The following DNAJC13 variants were observed in gnomAD, a reference collection of about 807,000 sequenced individuals.
DNAJC13 encodes the protein DnaJ heat shock protein family (Hsp40) member C13.
In DNAJC13, 75 loss-of-function variants were observed where a neutral mutation model predicts 290.5. The observed-to-expected ratio is 0.26, with a 90% confidence interval of 0.21 to 0.31. The LOEUF (loss-of-function observed/expected upper bound fraction) is 0.31. Among genes scored for constraint, DNAJC13 ranks in the 10% least tolerant of loss-of-function variants. The pLI, the probability that DNAJC13 is intolerant of heterozygous loss-of-function variation, is 1.00. For synonymous variants in DNAJC13, 862 were observed against 892.0 expected (o/e 0.97, Z 0.60); for missense variants, 2,260 against 2,674.5 (o/e 0.85, Z 3.42).
In DNAJC13 at chr3:132,478,697, T is replaced by G. The variant is rs569565297; in HGVS notation, c.2710-530T>G. On this transcript the variant is annotated intron_variant, in intron 24 of 55. Transcript: ENST00000260818. ...TCACTTGAACCCAGGAGGTTGAGGC[T>G]GCAGTGAGCTGTGATCACACTCCAG... 2.3e-3 allele frequency among the ~76,000 whole-genome samples: 347 copies of G among 152,308 alleles called. 1 individual carries two copies. Among genetic ancestry groups the G allele is most frequent in the African/African-American group, 8.0e-3 (331 of 41,578 alleles).
rs1313833483 is a variant in DNAJC13 at position 132,538,804 on chromosome 3, C to T, written c.*522C>T. 2.0e-5 allele frequency: 3 copies of T among 152,278 alleles called. No individual in the cohort carries two copies. The highest frequency in any genetic ancestry group is 7.2e-5 in the African/African-American group (3 of 41,422). The allele number at this position is 152,278 out of a possible 1,614,324, so 9.4% of individuals were successfully genotyped here. On this transcript the variant is annotated 3_prime_UTR_variant, in exon 56 of 56. Transcript: ENST00000260818. ...ATTAACCTTCTGAAAGCTCACAGTACACATTAGTATGTATAACTGGCTTTA... is the reference window on the plus strand; with the variant it reads ...ATTAACCTTCTGAAAGCTCACAGTATACATTAGTATGTATAACTGGCTTTA...
At chr3:132,431,782 T>C (rs1338398235) in intron 1 of DNAJC13, among the ~76,000 whole-genome samples, 1 of 152,200 alleles carries the variant, frequency 6.6e-6, no homozygotes, top group African/African-American at 2.4e-5. Flanking sequence ...TATATCCATA[T>C]ACCAGAATAT....
At chr3:132,483,721 G>C (rs1934757979) in intron 28 of DNAJC13, 144 bp downstream of exon 28, 1 of 872,376 alleles carries the variant, frequency 1.1e-6, no homozygotes, top group Non-Finnish European at 1.7e-6. Context: ...TTTTGAAACA[G>C]ATATAAAGAA....
intron 35 of DNAJC13, 35 bp from the exon 36 acceptor site, chr3:132,496,493 C>T (rs768126153): frequency 1.3e-6 from 2 of 1,515,962 alleles, no homozygotes; most frequent in Admixed American, 2.1e-5. Context: ...TGCGACATTC[C>T]AAATTAACGT....
At chr3:132,467,131 G>A (rs1934022787) in intron 19 of DNAJC13, 39 bp from the exon 20 acceptor site, 1 of 1,579,554 alleles carries the variant, frequency 6.3e-7, no homozygotes, top group Non-Finnish European at 8.6e-7. Flanking sequence ...AAATAAATTT[G>A]CAAACAGGCA....
intron 55 of DNAJC13, 95 bp downstream of exon 55, chr3:132,531,192 G>A: frequency 9.6e-7 from 1 of 1,046,304 alleles, no homozygotes; most frequent in Non-Finnish European, 1.5e-6. Flanking sequence ...TGTTCAGAGT[G>A]TTTCTTAGGC....
chr3:132,450,158 T>C (rs1933377380), intron 5 of DNAJC13, among the ~76,000 whole-genome samples: 1 of 152,080 alleles, frequency 6.6e-6, no homozygotes, highest in African/African-American at 2.4e-5. Flanking sequence ...TCAGCTTTTT[T>C]TTTTTGTATG....
intron 2 of DNAJC13, among the ~76,000 whole-genome samples, chr3:132,437,514 A>G (rs187043956): frequency 8.5e-5 from 13 of 152,330 alleles, no homozygotes; most frequent in Admixed American, 8.5e-4. Context: ...AGGGTTCTAA[A>G]TTCATTCCTT....
chr3:132,523,738 A>AT, intron 51 of DNAJC13, 25 bp downstream of exon 51: 1 of 1,602,450 alleles, frequency 6.2e-7, no homozygotes, highest in South Asian at 1.1e-5. Context: ...AAAGCAAAAC[A>AT]TTTCAAAGAC....
At position 132,523,138 on chromosome 3, in the gene DNAJC13, A is replaced by G. The variant is rs753736890; in HGVS notation, c.5844-19A>G. 6.2e-7 allele frequency: 1 copy of G among 1,613,912 alleles called. No individual in the cohort carries two copies. The highest frequency in any genetic ancestry group is 8.5e-7 in the Non-Finnish European group (1 of 1,179,856). On this transcript the variant is annotated intron_variant, in intron 49 of 55. Coordinates refer to ENST00000260818, the MANE Select transcript of DNAJC13 (RefSeq NM_015268.4). ...TATTTGTGACTGAAGTTTGGTATCC[A>G]TCCCTTTTTTTCCCCAAGGCACTTT...
At chr3:132,482,128 T>A in intron 26 of DNAJC13, 98 bp from the exon 27 acceptor site, 1 of 901,734 alleles carries the variant, frequency 1.1e-6, no homozygotes, top group African/African-American at 1.7e-5. Flanking sequence ...TAAAGGGATA[T>A]AAACCCCTCC....
chr3:132,422,700 C>G (rs921434714), intron 1 of DNAJC13, among the ~76,000 whole-genome samples: 4 of 152,192 alleles, frequency 2.6e-5, no homozygotes, highest in Non-Finnish European at 5.9e-5. Flanking sequence ...AAGATAGTTA[C>G]CTGTGCAAAG....
chr3:132,522,299 A>G (rs753552521), intron 48 of DNAJC13, among the ~76,000 whole-genome samples: 2 of 152,188 alleles, frequency 1.3e-5, no homozygotes, highest in Non-Finnish European at 2.9e-5. Context: ...TATGTGCTAG[A>G]TGTATTTTTT....
chr3:132,522,643 T>C (rs1426147901), intron 48 of DNAJC13, among the ~76,000 whole-genome samples, 185 bp from the exon 49 acceptor site: 1 of 152,228 alleles, frequency 6.6e-6, no homozygotes, highest in Non-Finnish European at 1.5e-5. Context: ...CTGAGTCTTA[T>C]TTAAAGGTAC....
At chr3:132,477,648 A>C in intron 22 of DNAJC13, 141 bp from the exon 23 acceptor site, 3 of 607,836 alleles carry the variant, frequency 4.9e-6, no homozygotes, top group Non-Finnish European at 8.4e-6. Flanking sequence ...CATTTAGCTA[A>C]AATAGTCATG....
At chr3:132,502,799 A>G (rs1007353341) in intron 40 of DNAJC13, among the ~76,000 whole-genome samples, 2 of 152,202 alleles carry the variant, frequency 1.3e-5, no homozygotes, top group African/African-American at 4.8e-5. Context: ...AGTTGAGGCT[A>G]GCTCCCCTAA....
In DNAJC13 at chr3:132,517,357, C is replaced by T. The variant is rs78400559; in HGVS notation, c.5673+541C>T. ...TGGTCCAGTTTGGAGAGCAGGATACCTGTTAAAACAATAGTTCTGAATAGA... is the reference window on the plus strand; with the variant it reads ...TGGTCCAGTTTGGAGAGCAGGATACTTGTTAAAACAATAGTTCTGAATAGA... On this transcript the variant is annotated intron_variant, in intron 48 of 55. Transcript: ENST00000260818. Among the ~76,000 whole-genome samples, 1,252 of 152,284 alleles carry T rather than the reference C, an allele frequency of 8.2e-3. 12 individuals carry two copies. Among genetic ancestry groups the T allele is most frequent in the African/African-American group, 0.027 (1,104 of 41,548 alleles).
At chr3:132,429,978 T>C (rs1259660829) in intron 1 of DNAJC13, among the ~76,000 whole-genome samples, 2 of 152,196 alleles carry the variant, frequency 1.3e-5, no homozygotes. Flanking sequence ...CTTGTACTGA[T>C]GATATGAACT....
intron 48 of DNAJC13, among the ~76,000 whole-genome samples, chr3:132,522,137 T>G (rs192390437): frequency 1.3e-5 from 2 of 152,314 alleles, no homozygotes; most frequent in Middle Eastern, 3.4e-3. Flanking sequence ...GTAAGAAAGA[T>G]TGGGCCTAGA....
Sources: gnomAD v4.1 joint callset for allele counts (sites outside exome capture counted in the v4.1 genomes callset) on GRCh38, gnomAD v4.1.1 for gene constraint, MANE v1.5 for transcripts, NCBI Gene and HGNC (gene_info 2026-07-23, HGNC 2026-07-21) for gene names.